The following MOV10L1 variants were observed in gnomAD, a reference collection of about 807,000 sequenced individuals.
MOV10L1 encodes the protein RNA helicase Mov10l1.
In MOV10L1, 110 loss-of-function variants were observed where a neutral mutation model predicts 143.8. The observed-to-expected ratio is 0.76, with a 90% CI of 0.66 to 0.90. MOV10L1 has a LOEUF of 0.90. Among genes scored for constraint, MOV10L1 ranks in the 40% least tolerant of loss-of-function variants. The pLI, the probability that MOV10L1 is intolerant of heterozygous loss-of-function variation, is 0.00. For synonymous variants in MOV10L1, 593 were observed against 581.1 expected (o/e 1.02, Z -0.29); for missense variants, 1,406 against 1,526.8 (o/e 0.92, Z 1.32).
intron 16 of MOV10L1, 144 bp from the exon 17 acceptor site, chr22:50,142,899 G>A: frequency 1.4e-6 from 1 of 695,236 alleles, no homozygotes; most frequent in Non-Finnish European, 2.5e-6. Flanking sequence ...TCTTACCCCT[G>A]GTCACACTGA....
chr22:50,120,546 T>G lies in MOV10L1; in HGVS notation c.1499T>G (p.Ile500Ser), dbSNP rs763942893. ...CCAAGTTTTCTTCCCCAATATCCAA[T>G]CCCAGATAGACTTAGAAAATGTGTG... ...QLPSFLPQYP[I>S]PDRLRKCVEQ... The change falls in exon 10 of 27, where the codon ATC (isoleucine) becomes AGC (serine). Residue 500 changes from isoleucine to serine, a missense_variant. Around this residue, in one of 3 missense-constraint regions of MOV10L1, gnomAD observed 1,233 missense variants for 1,351.4 expected, o/e 0.91. Coordinates refer to ENST00000262794, the MANE Select transcript of MOV10L1 (RefSeq NM_018995.3). 1.2e-6 allele frequency: 2 copies of G among 1,613,484 alleles called. No individual in the cohort carries two copies. Among genetic ancestry groups the G allele is most frequent in the Admixed American group, 3.3e-5 (2 of 59,900 alleles).
At chr22:50,143,324 G>C (rs754674368) in intron 17 of MOV10L1, 103 bp downstream of exon 17, 9 of 1,288,920 alleles carry the variant, frequency 7.0e-6, no homozygotes, top group Non-Finnish European at 7.8e-6. Flanking sequence ...CAGACAGTTG[G>C]AAAGAGCTTG....
chr22:50,105,746 G>C lies in MOV10L1; in HGVS notation c.443-2390G>C, dbSNP rs887938410. Among the ~76,000 whole-genome samples the C allele has an allele frequency of 5.9e-5, 9 of 152,242 alleles. No homozygotes were observed. In the South Asian group the frequency reaches 6.2e-4, roughly 10 times the overall value. On this transcript the variant is annotated intron_variant, in intron 3 of 26. Transcript: ENST00000262794. Reference sequence around the variant, plus strand: ...TTACAGAACGGTTCCTCAGGTTCCAGCATTTGTAAAATCCAGGTTGGGGGA... The same window carrying C: ...TTACAGAACGGTTCCTCAGGTTCCACCATTTGTAAAATCCAGGTTGGGGGA...
At chr22:50,149,414 G>A (rs2063235456) in intron 19 of MOV10L1, 2 of 585,350 alleles carry the variant, frequency 3.4e-6, no homozygotes, top group Admixed American at 3.1e-5. Context: ...AGCACTGGGT[G>A]CTGATGTGGC....
chr22:50,136,368 A>G (rs779523537), intron 15 of MOV10L1, among the ~76,000 whole-genome samples: 4 of 152,324 alleles, frequency 2.6e-5, no homozygotes, highest in Non-Finnish European at 4.4e-5. Flanking sequence ...CTTCTTATGG[A>G]TTAACTAGAT....
intron 15 of MOV10L1, among the ~76,000 whole-genome samples, chr22:50,138,184 GA>G (rs1322272806): frequency 2.6e-5 from 4 of 152,124 alleles, no homozygotes; most frequent in African/African-American, 2.4e-5. Context: ...GTAAGATCAG[GA>G]TCAGGGCATG....
chr22:50,114,408 A>C lies in MOV10L1; in HGVS notation c.912A>C (p.Leu304Phe). 12 of 1,614,156 alleles carry C rather than the reference A, an allele frequency of 7.4e-6. No homozygotes were observed. The highest frequency in any genetic ancestry group is 9.3e-6 in the Non-Finnish European group (11 of 1,180,000). The change falls in exon 7 of 27, where the codon TTA (leucine) becomes TTC (phenylalanine). Residue 304 changes from leucine (L) to phenylalanine (F), a missense_variant. Physicochemically the swap from Leu to Phe is conservative, Grantham distance 22. Coordinates refer to ENST00000262794, the MANE Select transcript of MOV10L1 (RefSeq NM_018995.3). The part of the protein sequence containing the change: ...IENKGDIPQN[L>F]VSCKLAGWDK... ...ATAAAGGAGACATTCCTCAAAACTT[A>C]GTCAGCTGTAAACTGGCTGGCTGGG... is the stretch of plus-strand genomic sequence containing the variant.
In MOV10L1 at chr22:50,133,587, C is replaced by T. The variant is rs537859630; in HGVS notation, c.1911-420C>T. Among the ~76,000 whole-genome samples the T allele has an allele frequency of 3.9e-5, 6 of 151,914 alleles. No individual in the cohort carries two copies. In the South Asian group the frequency reaches 1.2e-3, roughly 32 times the overall value. Reference sequence around the variant, plus strand: ...ACAGAGTCTCACTCTGTCACCCAGGCTGGAGTGCAGTGGTGCCATCTCAGC... The same window carrying T: ...ACAGAGTCTCACTCTGTCACCCAGGTTGGAGTGCAGTGGTGCCATCTCAGC... On this transcript the variant is annotated intron_variant, in intron 13 of 26. Transcript: ENST00000262794.
intron 8 of MOV10L1, among the ~76,000 whole-genome samples, chr22:50,116,642 G>A (rs2062186257): frequency 6.8e-6 from 1 of 146,800 alleles, no homozygotes; most frequent in African/African-American, 2.5e-5. Context: ...TTACAAAAAA[G>A]ACTATTGTAG....
Position 50,152,917 on chromosome 22 carries a change from G to A in MOV10L1, c.2893-128G>A, listed in dbSNP as rs555650200. On this transcript the variant is annotated intron_variant, in intron 21 of 26. Coordinates refer to ENST00000262794, the MANE Select transcript of MOV10L1 (RefSeq NM_018995.3). This position sits in a 1 kb window ranked among gnomAD's most constrained non-coding sequence, Gnocchi z 4.4. ...GTCTGGGGGCAGGCGACACACAGGGGCGCAGGAGCAGAGTCAGGCTTGGAA... is the reference window on the plus strand; with the variant it reads ...GTCTGGGGGCAGGCGACACACAGGGACGCAGGAGCAGAGTCAGGCTTGGAA... 3.3e-6 allele frequency: 3 copies of A among 911,284 alleles called. No homozygotes were observed. Among genetic ancestry groups the A allele is most frequent in the East Asian group, 4.9e-5 (2 of 40,898 alleles). The allele number at this position is 911,284 out of a possible 1,614,324, so 56.4% of individuals were successfully genotyped here. A position where few individuals can be genotyped will look rare whatever the true frequency, so the allele number is the denominator to read the frequency against.
Position 50,158,101 on chromosome 22 carries a change from G to A in MOV10L1, c.3111G>A (p.Pro1037=), listed in dbSNP as rs370639406. The change falls in exon 23 of 27, where the codon CCG becomes CCA. Residue 1037 remains proline (P), a synonymous_variant. Coordinates refer to ENST00000262794, the MANE Select transcript of MOV10L1 (RefSeq NM_018995.3). The surrounding 1 kb of genome is among the most constrained non-coding windows in gnomAD (Gnocchi z 5.0). ...GAAAAAGCCCATCGTGGTTCAACCC[G>A]GCCGAGGCCGTCCAGGTCCTGCGCT... ...REGKSPSWFN[P]AEAVQVLRYC... 37 of 1,614,020 alleles carry A rather than the reference G, an allele frequency of 2.3e-5. No homozygotes were observed. The highest frequency in any genetic ancestry group is 5.5e-5 in the South Asian group (5 of 91,084).
chr22:50,113,603 G>C (rs370013808), intron 5 of MOV10L1, 45 bp from the exon 6 acceptor site: 1 of 1,601,036 alleles, frequency 6.2e-7, no homozygotes, highest in Non-Finnish European at 8.5e-7. Flanking sequence ...CGAGGAAGGG[G>C]TGGTGCTGCT....
intron 15 of MOV10L1, among the ~76,000 whole-genome samples, chr22:50,137,770 TTA>T (rs200745891): frequency 0.19 from 26,806 of 141,626 alleles, 3,769 homozygotes; most frequent in Admixed American, 0.32. Flanking sequence ...TATACATATT[TTA>T]TATATATACA....
rs757715982 is a variant in MOV10L1 at position 50,150,854 on chromosome 22, G to A, written c.2847G>A (p.Arg949=). The change falls in exon 21 of 27, where the codon AGG becomes AGA. Residue 949 remains arginine, a synonymous_variant. Coordinates refer to ENST00000262794, the MANE Select transcript of MOV10L1 (RefSeq NM_018995.3). ...ERLMSRPAYQ[R]DENAFGACGA... ...TGATGTCTCGACCCGCGTACCAGAG[G>A]GACGAAAATGCTTTCGGTGCTTGTG... 1.9e-6 allele frequency: 3 copies of A among 1,614,206 alleles called. No homozygotes were observed. Among genetic ancestry groups the A allele is most frequent in the Non-Finnish European group, 1.7e-6 (2 of 1,180,038 alleles).
At position 50,090,093 on chromosome 22, in the gene MOV10L1, T is replaced by G; in HGVS notation, c.5T>G (p.Leu2Arg). 7.5e-7 allele frequency: 1 copy of G among 1,341,722 alleles called. No individual in the cohort carries two copies. Among genetic ancestry groups the G allele is most frequent in the Non-Finnish European group, 9.6e-7 (1 of 1,046,292 alleles). 83.1% of individuals were successfully genotyped at this position (1,341,722 alleles called of 1,614,324 possible). ...AGCCTAGGCCGGGCGAGGGCCATGC[T>G]GAGCCTCGCAGCCAAGCTGGTGGCC... M[L>R]SLAAKLVAFF... The change falls in exon 1 of 27, where the codon CTG (leucine) becomes CGG (arginine). Residue 2 changes from leucine (L) to arginine (R), a missense_variant. Coordinates refer to ENST00000262794, the MANE Select transcript of MOV10L1 (RefSeq NM_018995.3).
intron 21 of MOV10L1, 129 bp downstream of exon 21, chr22:50,151,028 A>C: frequency 8.9e-7 from 1 of 1,127,420 alleles, no homozygotes; most frequent in South Asian, 1.5e-5. Context: ...GGGAGCACCC[A>C]CCATAGCACC....
intron 1 of MOV10L1, chr22:50,090,649 C>T (rs1023969143): frequency 3.7e-6 from 4 of 1,070,242 alleles, no homozygotes; most frequent in Non-Finnish European, 5.6e-6. Context: ...GCCCGGATGC[C>T]CTCACCGTTC....
At chr22:50,134,167 A>G in intron 14 of MOV10L1, 102 bp downstream of exon 14, 1 of 888,966 alleles carries the variant, frequency 1.1e-6, no homozygotes, top group Non-Finnish European at 1.7e-6. Context: ...ATAATATTAG[A>G]AGTAAAACTT....
chr22:50,130,503 C>A (rs1196290975), intron 13 of MOV10L1, among the ~76,000 whole-genome samples: 4 of 151,910 alleles, frequency 2.6e-5, no homozygotes, highest in Non-Finnish European at 5.9e-5. Context: ...AGGCATTTGC[C>A]GATGAAAGCA....
Sources: allele counts gnomAD v4.1 joint callset (sites outside exome capture counted in the v4.1 genomes callset), GRCh38; gene constraint gnomAD v4.1.1; regional missense constraint gnomAD v4.1.1; non-coding constraint Gnocchi (gnomAD v3.1); transcripts MANE v1.5; gene names NCBI Gene and HGNC (gene_info 2026-07-23, HGNC 2026-07-21).